AKAP9: variants seen among roughly 807,000 people sequenced by gnomAD.
AKAP9 encodes the protein A-kinase anchoring protein 9.
A neutral mutation model predicts 488.5 loss-of-function variants in AKAP9; 311 were observed. That is an observed-to-expected ratio of 0.64 (90% CI 0.58 to 0.70). The LOEUF (loss-of-function observed/expected upper bound fraction) is 0.70, where lower values mean the gene tolerates loss of function less well. Among genes scored for constraint, AKAP9 ranks in the 30% least tolerant of loss-of-function variants. The pLI is 0.00. For missense variants in AKAP9, 4,215 were observed against 4,374.5 expected, an observed-to-expected ratio of 0.96 and a Z score of 1.03; for synonymous variants, 1,462 against 1,483.5, an observed-to-expected ratio of 0.99 and a Z score of 0.33.
rs751533517 is a variant in AKAP9 at position 92,096,965 on chromosome 7, C to T, written c.10006C>T (p.Arg3336Trp). ...GAGCAGTGATGGTACTGGACAGTCT[C>T]GGCCACCCTTGCCCTCAGAGGACCT... ...LQSSDGTGQS[R>W]PPLPSEDLLK... Residue 3336 changes from arginine (R) to tryptophan (W), a missense_variant, in exon 41 of 50, where the codon CGG becomes TGG. This residue lies in a region of AKAP9 where 1,476 missense variants were observed against 1,477.4 expected (regional missense o/e 1.00). Coordinates refer to ENST00000356239, the MANE Select transcript of AKAP9 (RefSeq NM_005751.5). 6.8e-6 allele frequency: 11 copies of T among 1,614,014 alleles called. No individual in the cohort carries two copies. The highest frequency in any genetic ancestry group is 1.6e-4 in the Middle Eastern group (1 of 6,084).
At chr7:92,082,685 T>C in intron 32 of AKAP9, 23 bp downstream of exon 32, 1 of 1,612,800 alleles carries the variant, frequency 6.2e-7, no homozygotes, top group South Asian at 1.1e-5. Flanking sequence ...ACATAGCTCC[T>C]AATTCACTCA....
rs867929647 is a variant in AKAP9, at chr7:92,063,481, C to T, written c.5977+995C>T. 52 of 979,904 alleles carry T rather than the reference C, an allele frequency of 5.3e-5. No homozygotes were observed. In the Admixed American group the frequency reaches 1.7e-3, roughly 33 times the overall value. The allele number at this position is 979,904 out of a possible 1,614,324, so 60.7% of individuals were successfully genotyped here. ...TCCTAGGACTAGTAGATGCTGCAGTCGATGCAGCACCAGGAGCAGGTGTGT... is the reference window on the plus strand; with the variant it reads ...TCCTAGGACTAGTAGATGCTGCAGTTGATGCAGCACCAGGAGCAGGTGTGT... On this transcript the variant is annotated intron_variant, in intron 24 of 49. Coordinates refer to ENST00000356239, the MANE Select transcript of AKAP9 (RefSeq NM_005751.5).
Position 91,994,685 on chromosome 7 carries a change from TACA to T in AKAP9, c.646_648del (p.Gln216del). 6.2e-7 allele frequency: 1 copy of T among 1,613,286 alleles called. No individual in the cohort carries two copies. The highest frequency in any genetic ancestry group is 8.5e-7 in the Non-Finnish European group (1 of 1,179,548). On this transcript the variant is annotated inframe_deletion, in exon 6 of 50. Transcript: ENST00000356239. ...ATTATAACCCAGCTCACTGCTAATT[TACA>T]ACAAGCAAGAAGAGAAAAGGATGAG...
At chr7:91,966,354 G>A (rs1447256257) in intron 1 of AKAP9, among the ~76,000 whole-genome samples, 1 of 152,088 alleles carries the variant, frequency 6.6e-6, no homozygotes, top group East Asian at 1.9e-4. Context: ...CCATTTTGAT[G>A]TGATTTTTTT....
rs1470286924 is a variant in AKAP9, at chr7:92,002,997, C to A, written c.3080C>A (p.Thr1027Lys). ...SSLLDGVVTM[T>K]SRGAEGSVSK... ...TTATTAGATGGAGTTGTGACCATGA[C>A]AAGCAGGGGTGCTGAAGGATCAGTT... Residue 1027 changes from threonine to lysine, a missense_variant, in exon 8 of 50, where the codon ACA becomes AAA. Coordinates refer to ENST00000356239, the MANE Select transcript of AKAP9 (RefSeq NM_005751.5). 2.5e-6 allele frequency: 4 copies of A among 1,613,350 alleles called. No individual in the cohort carries two copies. In the Admixed American group the frequency reaches 6.7e-5, roughly 27 times the overall value.
At chr7:92,038,157 A>C (rs566174068) in intron 16 of AKAP9, among the ~76,000 whole-genome samples, 1 of 152,278 alleles carries the variant, frequency 6.6e-6, no homozygotes, top group South Asian at 2.1e-4. Flanking sequence ...TCTAATTTTT[A>C]CTGAACATTT....
chr7:92,007,748 G>A (rs1336484419), intron 8 of AKAP9, among the ~76,000 whole-genome samples: 1 of 152,124 alleles, frequency 6.6e-6, no homozygotes, highest in Non-Finnish European at 1.5e-5. Context: ...TGCACAAGAA[G>A]AGTCAATAAT....
chr7:92,097,167 A>G lies in AKAP9; in HGVS notation c.10208A>G (p.Lys3403Arg). The G allele has an allele frequency of 6.2e-7, 1 of 1,614,044 alleles. No individual in the cohort carries two copies. The highest frequency in any genetic ancestry group is 8.5e-7 in the Non-Finnish European group (1 of 1,179,990). ...CAGGAGGCCAACACTGAGGGACAGA[A>G]AAAAATGCATGAGCTCCAGTCCAAA... ...TEQEANTEGQ[K>R]KMHELQSKVE... Residue 3403 changes from lysine to arginine, a missense_variant, in exon 41 of 50, where the codon AAA (lysine) becomes AGA (arginine). Transcript: ENST00000356239.
At chr7:92,105,860 A>G (rs939799503) in intron 47 of AKAP9, 97 bp downstream of exon 47, 4 of 1,114,886 alleles carry the variant, frequency 3.6e-6, no homozygotes, top group Non-Finnish European at 5.4e-6. Context: ...GTGGCCTGTT[A>G]GGAACCAGGC....
In AKAP9 at chr7:92,099,715, G is replaced by A; in HGVS notation, c.10742G>A (p.Cys3581Tyr). Reference sequence around the variant, plus strand: ...AGCTTGGTGTCCCCAAGTACTTCTTGTGGCTCATTGACTGAAAGACTACTG... The same window carrying A: ...AGCTTGGTGTCCCCAAGTACTTCTTATGGCTCATTGACTGAAAGACTACTG... The part of the protein sequence containing the change: ...EPSLVSPSTS[C>Y]GSLTERLLRQ... The change falls in exon 44 of 50, where the codon TGT (cysteine) becomes TAT (tyrosine). Residue 3581 changes from cysteine (C) to tyrosine (Y), a missense_variant. Transcript: ENST00000356239. 6.2e-7 allele frequency: 1 copy of A among 1,613,960 alleles called. No individual in the cohort carries two copies. The highest frequency in any genetic ancestry group is 8.5e-7 in the Non-Finnish European group (1 of 1,179,950).
chr7:92,023,140 TAGAA>T, intron 14 of AKAP9, 131 bp downstream of exon 14: 1 of 902,104 alleles, frequency 1.1e-6, no homozygotes, highest in South Asian at 1.4e-5. Flanking sequence ...TAGCATTTTT[TAGAA>T]AGAAGAGCAA....
At chr7:92,017,171 T>C (rs1801630578) in intron 12 of AKAP9, 69 bp downstream of exon 12, 1 of 1,182,888 alleles carries the variant, frequency 8.5e-7, no homozygotes, top group East Asian at 2.6e-5. Context: ...GTAAGCTGCT[T>C]TTATCAACCA....
intron 10 of AKAP9, among the ~76,000 whole-genome samples, chr7:92,015,477 A>G (rs1801382588): frequency 6.7e-6 from 1 of 149,162 alleles, no homozygotes; most frequent in Non-Finnish European, 1.5e-5. Context: ...CTATTCTTGT[A>G]CCTCACCTCC....
At chr7:92,074,918 G>C (rs1397742761) in intron 28 of AKAP9, among the ~76,000 whole-genome samples, 1 of 152,056 alleles carries the variant, frequency 6.6e-6, no homozygotes, top group Non-Finnish European at 1.5e-5. Context: ...GTAGATGACG[G>C]ATTGATGGGT....
chr7:92,107,679 G>A, intron 48 of AKAP9: 1 of 357,504 alleles, frequency 2.8e-6, no homozygotes, highest in South Asian at 3.0e-5. Flanking sequence ...GTGAAACCCT[G>A]TCTCTACTAA....
At chr7:91,995,580 T>C (rs2130646082) in intron 6 of AKAP9, 23 bp from the exon 7 acceptor site, 1 of 1,610,068 alleles carries the variant, frequency 6.2e-7, no homozygotes, top group Non-Finnish European at 8.5e-7. Context: ...ATTTAACGTT[T>C]TGAGGTTTCT....
chr7:92,039,624 T>A (rs1805735740), intron 17 of AKAP9, among the ~76,000 whole-genome samples: 1 of 152,218 alleles, frequency 6.6e-6, no homozygotes, highest in Non-Finnish European at 1.5e-5. Flanking sequence ...TGAATTAAAA[T>A]TTTTTATTAA....
chr7:91,994,561 G>A (rs1176877899), intron 5 of AKAP9, 60 bp from the exon 6 acceptor site: 7 of 1,397,524 alleles, frequency 5.0e-6, no homozygotes, highest in Non-Finnish European at 6.9e-6. Flanking sequence ...TTTTGAAAAA[G>A]TTACCTGTAA....
At chr7:92,011,255 A>G (rs1800708053) in intron 8 of AKAP9, among the ~76,000 whole-genome samples, 1 of 152,216 alleles carries the variant, frequency 6.6e-6, no homozygotes, top group Non-Finnish European at 1.5e-5. Context: ...AGCCAATGCA[A>G]TTTGACAAGA....
Sources: allele counts gnomAD v4.1 joint callset (sites outside exome capture counted in the v4.1 genomes callset), GRCh38; gene constraint gnomAD v4.1.1; regional missense constraint gnomAD v4.1.1; transcripts MANE v1.5; gene names NCBI Gene and HGNC (gene_info 2026-07-23, HGNC 2026-07-21).